The following PXDNL variants were observed in gnomAD, a reference collection of about 807,000 sequenced individuals.
The protein encoded by PXDNL is probable oxidoreductase PXDNL.
PXDNL carries 145 observed loss-of-function variants against 150.8 expected under a neutral mutation model. The observed-to-expected ratio is 0.96, with a 90% confidence interval of 0.84 to 1.10. The LOEUF is 1.10. PXDNL is among the 50% of genes least tolerant of loss of function. The pLI, the probability that PXDNL is intolerant of heterozygous loss-of-function variation, is 0.00. For missense variants in PXDNL, 2,087 were observed against 1,873.9 expected (o/e 1.11, Z -2.10); for synonymous variants, 757 against 725.7 (o/e 1.04, Z -0.69).
At chr8:51,331,014 T>A (rs532866441) in intron 21 of PXDNL, among the ~76,000 whole-genome samples, 10 of 152,174 alleles carry the variant, frequency 6.6e-5, no homozygotes, top group African/African-American at 2.2e-4. Context: ...TACTGCAGCA[T>A]TGCGGAGGCT....
intron 18 of PXDNL, among the ~76,000 whole-genome samples, chr8:51,374,089 A>G (rs1807219619): frequency 6.6e-6 from 1 of 152,198 alleles, no homozygotes; most frequent in Non-Finnish European, 1.5e-5. Flanking sequence ...TGCCCTCATA[A>G]TGTAATTTTA....
intron 2 of PXDNL, among the ~76,000 whole-genome samples, chr8:51,644,863 C>T (rs558568739): frequency 7.2e-4 from 110 of 151,850 alleles, no homozygotes; most frequent in Non-Finnish European, 1.1e-3. Context: ...TGATTGTAGA[C>T]GGCCACATAG....
At chr8:51,483,876 A>G (rs1181813199) in intron 5 of PXDNL, among the ~76,000 whole-genome samples, 162 bp from the exon 6 acceptor site, 1 of 152,222 alleles carries the variant, frequency 6.6e-6, no homozygotes, top group Non-Finnish European at 1.5e-5. Context: ...CATCTGTTTT[A>G]AAGATTTACA....
chr8:51,760,545 A>C (rs1205644645), intron 1 of PXDNL, among the ~76,000 whole-genome samples: 1 of 152,230 alleles, frequency 6.6e-6, no homozygotes, highest in Non-Finnish European at 1.5e-5. Flanking sequence ...TGAACTTTCT[A>C]ACTCCATGTA....
At chr8:51,609,537 T>C (rs6984427) in intron 2 of PXDNL, among the ~76,000 whole-genome samples, 71,621 of 152,014 alleles carry the variant, frequency 0.47, 21,369 homozygotes, top group African/African-American at 0.84. Flanking sequence ...AACCAGGTAG[T>C]TAAAGTGAAT....
At chr8:51,768,259 G>GT (rs35755307) in intron 1 of PXDNL, among the ~76,000 whole-genome samples, 2,696 of 141,844 alleles carry the variant, frequency 0.019, 36 homozygotes, top group East Asian at 0.039. Context: ...TTTTATCAGT[G>GT]TTTTTTTTTT....
chr8:51,546,515 G>A (rs1444353099), intron 4 of PXDNL, among the ~76,000 whole-genome samples: 1 of 152,184 alleles, frequency 6.6e-6, no homozygotes. Flanking sequence ...GAGGTCCTTG[G>A]GGAAGGGAAG....
chr8:51,497,983 T>C (rs1811095178), intron 5 of PXDNL, among the ~76,000 whole-genome samples: 1 of 152,094 alleles, frequency 6.6e-6, no homozygotes, highest in African/African-American at 2.4e-5. Context: ...CATGCACATG[T>C]ATGTTTATTG....
intron 4 of PXDNL, among the ~76,000 whole-genome samples, chr8:51,534,894 G>A (rs1293792418): frequency 9.2e-6 from 1 of 108,558 alleles, no homozygotes; most frequent in Non-Finnish European, 1.7e-5. Flanking sequence ...GAGGTGAGGG[G>A]CGCCTCTGCC....
At chr8:51,598,510 T>C (rs189195667) in intron 2 of PXDNL, among the ~76,000 whole-genome samples, 284 of 152,312 alleles carry the variant, frequency 1.9e-3, no homozygotes, top group African/African-American at 6.0e-3. Context: ...TCTTTTTTAA[T>C]TCTGCTTATG....
intron 21 of PXDNL, among the ~76,000 whole-genome samples, chr8:51,333,044 T>C (rs1226508507): frequency 6.6e-6 from 1 of 152,122 alleles, no homozygotes; most frequent in Admixed American, 6.6e-5. Flanking sequence ...CATCAGGTTA[T>C]CCAAAGTTAA....
chr8:51,728,127 T>C (rs1816851481), intron 1 of PXDNL, among the ~76,000 whole-genome samples: 1 of 152,206 alleles, frequency 6.6e-6, no homozygotes, highest in Admixed American at 6.5e-5. Flanking sequence ...ATTCCTATTG[T>C]CTAGTGATGT....
intron 21 of PXDNL, among the ~76,000 whole-genome samples, chr8:51,325,562 G>A (rs1805455991): frequency 6.6e-6 from 1 of 152,198 alleles, no homozygotes; most frequent in African/African-American, 2.4e-5. Context: ...ATGCACCTCA[G>A]GATGGTGAGG....
rs540429698 is a variant in PXDNL, at chr8:51,657,700, G to A, written c.165-2940C>T. Among the ~76,000 whole-genome samples the A allele has an allele frequency of 4.9e-4, 75 of 152,284 alleles. 1 individual carries two copies. The South Asian group carries it at 0.015, about 31-fold the overall frequency. ...TTCAGTTGTACAAAATGATGCCATTGCAAATTTATTTTCAGCTACATACAA... is the reference window on the plus strand; with the variant it reads ...TTCAGTTGTACAAAATGATGCCATTACAAATTTATTTTCAGCTACATACAA... On this transcript the variant is annotated intron_variant, in intron 1 of 22. Transcript: ENST00000356297.
chr8:51,383,626 A>G (rs1401848436), intron 17 of PXDNL, among the ~76,000 whole-genome samples: 1 of 152,176 alleles, frequency 6.6e-6, no homozygotes, highest in Non-Finnish European at 1.5e-5. Context: ...GTTTAAATTT[A>G]CCTTTTAACC....
chr8:51,504,642 C>T lies in PXDNL; in HGVS notation c.381-4872G>A, dbSNP rs1192579963. Among the ~76,000 whole-genome samples, 6 of 152,264 alleles carry T rather than the reference C, an allele frequency of 3.9e-5. No individual in the cohort carries two copies. The East Asian group carries it at 1.2e-3, about 29-fold the overall frequency. On this transcript the variant is annotated intron_variant, in intron 4 of 22. Coordinates refer to ENST00000356297, the MANE Select transcript of PXDNL (RefSeq NM_144651.5). ...GATTATGTAATCCATGCCTGTCTGC[C>T]CTAACGAAACTCTAAGATCCATGAA... is the stretch of plus-strand genomic sequence containing the variant.
At chr8:51,394,158 T>G (rs1344452373) in intron 17 of PXDNL, among the ~76,000 whole-genome samples, 1 of 152,212 alleles carries the variant, frequency 6.6e-6, no homozygotes, top group Admixed American at 6.5e-5. Context: ...CTCAAACTAT[T>G]CTATATATGT....
intron 1 of PXDNL, among the ~76,000 whole-genome samples, chr8:51,732,483 C>T (rs1816953137): frequency 6.6e-6 from 1 of 152,176 alleles, no homozygotes; most frequent in Non-Finnish European, 1.5e-5. Flanking sequence ...CTTCTGAGCC[C>T]CTCAAACTGT....
intron 1 of PXDNL, 64 bp downstream of exon 1, chr8:51,809,117 G>C: frequency 6.5e-7 from 1 of 1,547,742 alleles, no homozygotes; most frequent in Non-Finnish European, 8.9e-7. Flanking sequence ...AAGGACACAG[G>C]TCCTAGCAGA....
Sources: allele counts gnomAD v4.1 joint callset (sites outside exome capture counted in the v4.1 genomes callset), GRCh38; gene constraint gnomAD v4.1.1; transcripts MANE v1.5; gene names NCBI Gene and HGNC (gene_info 2026-07-23, HGNC 2026-07-21).